The following SKA2 variants were observed in gnomAD, a reference collection of about 807,000 sequenced individuals.
The protein encoded by SKA2 is spindle and kinetochore associated complex subunit 2.
SKA2 carries 13 observed loss-of-function variants against 16.9 expected under a neutral mutation model. The ratio of observed to expected loss-of-function variants is 0.77; its 90% CI spans 0.50 to 1.22. The LOEUF (loss-of-function observed/expected upper bound fraction) is 1.22. SKA2 is among the 50% of genes most tolerant of loss of function. The probability of loss-of-function intolerance (pLI) is 0.00; values close to 1 mark genes in which losing one functional copy is unlikely to be tolerated. For synonymous variants in SKA2, 47 were observed against 48.5 expected, an observed-to-expected ratio of 0.97 and a Z score of 0.13; for missense variants, 107 against 139.7, an observed-to-expected ratio of 0.77 and a Z score of 1.18.
chr17:59,114,115 A>G (rs1158323004), intron 3 of SKA2, among the ~76,000 whole-genome samples: 1 of 152,180 alleles, frequency 6.6e-6, no homozygotes, highest in Non-Finnish European at 1.5e-5. Context: ...ACCTACTTCC[A>G]GACTATCCTT....
intron 1 of SKA2, among the ~76,000 whole-genome samples, chr17:59,138,724 G>A (rs556491074): frequency 2.6e-5 from 4 of 152,176 alleles, no homozygotes; most frequent in Admixed American, 6.5e-5. Context: ...GAGCCACCGC[G>A]CCCAGCCTGT....
chr17:59,145,521 A>G (rs944054892), intron 1 of SKA2, among the ~76,000 whole-genome samples: 12 of 151,986 alleles, frequency 7.9e-5, no homozygotes, highest in Admixed American at 3.3e-4. Context: ...TTCCCAGGTT[A>G]GTTTCCTCTT....
chr17:59,144,700 A>G (rs2046518582), intron 1 of SKA2, among the ~76,000 whole-genome samples: 1 of 152,244 alleles, frequency 6.6e-6, no homozygotes, highest in Non-Finnish European at 1.5e-5. Context: ...TTTCATTTAA[A>G]TGAGGTATTT....
chr17:59,128,602 G>T (rs1029122766), intron 2 of SKA2, among the ~76,000 whole-genome samples: 3 of 151,142 alleles, frequency 2.0e-5, no homozygotes, highest in Non-Finnish European at 4.4e-5. Context: ...CTCCAGCCTG[G>T]GTGACAGAGC....
intron 2 of SKA2, among the ~76,000 whole-genome samples, chr17:59,120,942 G>A (rs190291710): frequency 2.1e-4 from 32 of 151,986 alleles, no homozygotes; most frequent in Non-Finnish European, 4.3e-4. Context: ...CATGAGGTCA[G>A]GAAATCGAGA....
intron 1 of SKA2, among the ~76,000 whole-genome samples, chr17:59,136,241 C>A (rs1403350381): frequency 1.3e-5 from 2 of 151,894 alleles, no homozygotes; most frequent in African/African-American, 4.8e-5. Flanking sequence ...GGGCTCACTG[C>A]AACCTCTACC....
intron 1 of SKA2, among the ~76,000 whole-genome samples, chr17:59,136,843 A>G (rs1424814474): frequency 6.6e-6 from 1 of 152,140 alleles, no homozygotes; most frequent in Non-Finnish European, 1.5e-5. Flanking sequence ...TACCACGCCC[A>G]GCCGAAAAAT....
intron 1 of SKA2, among the ~76,000 whole-genome samples, chr17:59,148,291 C>A (rs796501085): frequency 6.6e-6 from 1 of 152,210 alleles, no homozygotes; most frequent in African/African-American, 2.4e-5. Context: ...CATAACAATT[C>A]TCTATCCGGC....
At chr17:59,148,646 A>G (rs1257193596) in intron 1 of SKA2, among the ~76,000 whole-genome samples, 1 of 151,846 alleles carries the variant, frequency 6.6e-6, no homozygotes, top group Non-Finnish European at 1.5e-5. Context: ...TAGTACAAAA[A>G]AAATTTTTTT....
intron 3 of SKA2, among the ~76,000 whole-genome samples, chr17:59,116,810 CTTTTTTTT>C (rs909458290): frequency 2.7e-5 from 2 of 75,302 alleles, no homozygotes; most frequent in Non-Finnish European, 5.0e-5. Flanking sequence ...CTGCCTTTGG[CTTTTTTTT>C]TTTTTTTTTT....
intron 1 of SKA2, 198 bp downstream of exon 1, chr17:59,154,933 G>C (rs536714934): frequency 6.2e-7 from 1 of 1,611,446 alleles, no homozygotes; most frequent in South Asian, 1.1e-5. Flanking sequence ...TCCCTGACGA[G>C]TTTCCCGGAT....
rs1185985521 is a variant in SKA2 at position 59,110,370 on chromosome 17, T to A, written c.*1907A>T. On this transcript the variant is annotated 3_prime_UTR_variant, in exon 4 of 4. Transcript: ENST00000330137. Reference sequence around the variant, plus strand: ...TATGATCTCTCCATGATACTACCGTTTTTTCAATCCCAACAATCATCATCA... The same window carrying A: ...TATGATCTCTCCATGATACTACCGTATTTTCAATCCCAACAATCATCATCA... 3 of 152,154 alleles carry A rather than the reference T, an allele frequency of 2.0e-5. No homozygotes were observed. The highest frequency in any genetic ancestry group is 2.9e-5 in the Non-Finnish European group (2 of 68,020). 9.4% of individuals were successfully genotyped at this position (152,154 alleles called of 1,614,324 possible).
At chr17:59,115,554 CA>C (rs962025989) in intron 3 of SKA2, among the ~76,000 whole-genome samples, 1 of 151,898 alleles carries the variant, frequency 6.6e-6, no homozygotes, top group Non-Finnish European at 1.5e-5. Context: ...TCTTCTACCT[CA>C]AAAAAAGGAA....
At chr17:59,155,093 A>T in intron 1 of SKA2, 38 bp downstream of exon 1, 1 of 1,614,002 alleles carries the variant, frequency 6.2e-7, no homozygotes, top group Non-Finnish European at 8.5e-7. Flanking sequence ...TGGGGGAAAA[A>T]TAAACTACCC....
In SKA2 at chr17:59,155,183, G is replaced by C. The variant is rs1486098593; in HGVS notation, c.-20C>G. The C allele has an allele frequency of 6.2e-7, 1 of 1,613,652 alleles. No homozygotes were observed. Among genetic ancestry groups the C allele is most frequent in the Non-Finnish European group, 8.5e-7 (1 of 1,179,740 alleles). ...CTCCATGTTGAATAGTTGACATTCC[G>C]CAGACCGCGGCGGCGCTTAAGCCGC... On this transcript the variant is annotated 5_prime_UTR_variant, in exon 1 of 4. Coordinates refer to ENST00000330137, the MANE Select transcript of SKA2 (RefSeq NM_182620.4).
intron 2 of SKA2, among the ~76,000 whole-genome samples, chr17:59,128,390 C>T (rs2046385889): frequency 6.6e-6 from 1 of 151,590 alleles, no homozygotes; most frequent in Non-Finnish European, 1.5e-5. Context: ...TTTGGGAGGC[C>T]GAGGAGGGTG....
intron 2 of SKA2, among the ~76,000 whole-genome samples, chr17:59,127,565 T>C (rs1326600867): frequency 2.0e-5 from 3 of 152,100 alleles, no homozygotes; most frequent in African/African-American, 7.2e-5. Flanking sequence ...ATTTTGTATT[T>C]TTAGTAGAGA....
chr17:59,129,395 A>ACACACACG (rs1330053175), intron 2 of SKA2: 1 of 152,536 alleles, frequency 6.6e-6, no homozygotes, highest in Non-Finnish European at 1.4e-5. Context: ...ACACACACAC[A>ACACACACG]CGGTCTTTAA....
chr17:59,136,409 C>G (rs946596531), intron 1 of SKA2, among the ~76,000 whole-genome samples: 1 of 151,818 alleles, frequency 6.6e-6, no homozygotes, highest in Non-Finnish European at 1.5e-5. Context: ...GGTGATCCAC[C>G]CACCTCGGCC....
Sources: gnomAD v4.1 joint callset for allele counts (sites outside exome capture counted in the v4.1 genomes callset) on GRCh38, gnomAD v4.1.1 for gene constraint, MANE v1.5 for transcripts, NCBI Gene and HGNC (gene_info 2026-07-23, HGNC 2026-07-21) for gene names.